Variants in ANKRD36C observed in about 807,000 individuals in gnomAD.
ANKRD36C encodes the protein ankyrin repeat domain 36C.
ANKRD36C carries 61 observed loss-of-function variants against 276.4 expected under a neutral mutation model. That is an observed-to-expected ratio of 0.22 (90% CI 0.18 to 0.27). The LOEUF (loss-of-function observed/expected upper bound fraction) is 0.27, where lower values mean the gene tolerates loss of function less well. ANKRD36C is among the 10% of genes least tolerant of loss of function. ANKRD36C has a pLI of 1.00. For missense variants in ANKRD36C, 1,447 were observed against 2,032.3 expected (o/e 0.71, Z 5.54); for synonymous variants, 483 against 680.1 (o/e 0.71, Z 4.51).
chr2:95,856,848 T>G (rs75659782), intron 62 of ANKRD36C, among the ~76,000 whole-genome samples: 2,616 of 152,196 alleles, frequency 0.017, 44 homozygotes, highest in Non-Finnish European at 0.023. Context: ...TGCTCTTCCA[T>G]CAAATCAGTA....
At chr2:95,849,262 A>G (rs1219631214), downstream of ANKRD36C, among the ~76,000 whole-genome samples, 1 of 152,044 alleles carries the variant, frequency 6.6e-6, no homozygotes, top group Non-Finnish European at 1.5e-5. Context: ...ATTTCACCAT[A>G]TTGGCCAGGC....
At chr2:95,884,184 T>A (rs748809590) in exon 54 of ANKRD36C, 13 of 1,608,024 alleles carry the variant, frequency 8.1e-6, no homozygotes, top group Non-Finnish European at 1.0e-5. Context: ...TGTCCCAGAT[T>A]TTTCTCCATC....
chr2:95,858,425 G>C (rs1675477141), intron 61 of ANKRD36C, among the ~76,000 whole-genome samples: 1 of 152,190 alleles, frequency 6.6e-6, no homozygotes, highest in South Asian at 2.1e-4. Flanking sequence ...GAAATGTATT[G>C]ATAAAAGAAC....
intron 54 of ANKRD36C, 31 bp downstream of exon 74, chr2:95,884,142 A>G: frequency 6.3e-7 from 1 of 1,588,084 alleles, no homozygotes; most frequent in Non-Finnish European, 8.6e-7. Flanking sequence ...TCTGGACTGA[A>G]CATGACATTA....
At chr2:95,880,726 T>C (rs1331175060) in intron 56 of ANKRD36C, 103 bp from the exon 77 acceptor site, 2 of 1,374,056 alleles carry the variant, frequency 1.5e-6, no homozygotes, top group African/African-American at 1.5e-5. Flanking sequence ...TTGCCTGTAT[T>C]AGTGTAGGGT....
rs1317183495 is a variant in ANKRD36C at position 95,903,187 on chromosome 2, C to T, written c.2654-3851G>A. 255 of 1,500,154 alleles carry T rather than the reference C, an allele frequency of 1.7e-4. 8 individuals are homozygous for T. The highest frequency in any genetic ancestry group is 1.1e-3 in the South Asian group (90 of 82,834). 92.9% of individuals were successfully genotyped at this position (1,500,154 alleles called of 1,614,324 possible). A position where few individuals can be genotyped will look rare whatever the true frequency, so the allele number is the denominator to read the frequency against. On this transcript the variant is annotated intron_variant, in intron 42 of 66. Transcript: ENST00000456556. ...ACCTCTGTCCTCCTGCCTGTATTAG[C>T]GTAGGCTTTGATGGCTTCTACTTTG...
intron 3 of ANKRD36C, among the ~76,000 whole-genome samples, chr2:95,986,068 A>G (rs1330270055): frequency 1.3e-5 from 2 of 152,178 alleles, no homozygotes; most frequent in Non-Finnish European, 2.9e-5. Flanking sequence ...TCCCTGGGCA[A>G]TTTCACAACT....
chr2:95,924,901 A>T, intron 30 of ANKRD36C, among the ~76,000 whole-genome samples: 1 of 151,600 alleles, frequency 6.6e-6, no homozygotes, highest in Non-Finnish European at 1.5e-5. Flanking sequence ...CTCTTTCTTG[A>T]TGAAAATAAT....
chr2:95,858,123 T>C (rs2104257426), intron 61 of ANKRD36C, among the ~76,000 whole-genome samples: 1 of 151,914 alleles, frequency 6.6e-6, no homozygotes, highest in East Asian at 1.9e-4. Context: ...TGCTGTCTCA[T>C]GCTTCTCTAA....
In ANKRD36C at chr2:95,910,764, AC is replaced by A. The variant is rs1415103958; in HGVS notation, c.2653+1479del. Among the ~76,000 whole-genome samples the A allele has an allele frequency of 2.6e-5, 4 of 151,538 alleles. No individual in the cohort carries two copies. The East Asian group carries it at 7.8e-4, about 30-fold the overall frequency. ...AGGGAATACAGGCTCCATGAAATAT[AC>A]CCTTACAATTTCAAACACGGTACGA... On this transcript the variant is annotated intron_variant, in intron 42 of 66. Transcript: ENST00000456556.
chr2:95,874,603 C>G (rs1675898842), intron 59 of ANKRD36C, among the ~76,000 whole-genome samples: 1 of 152,232 alleles, frequency 6.6e-6, no homozygotes, highest in African/African-American at 2.4e-5. Flanking sequence ...CATTACCATT[C>G]AGGACATAGG....
chr2:95,869,751 T>C (rs1205745626), intron 59 of ANKRD36C, among the ~76,000 whole-genome samples: 1 of 152,202 alleles, frequency 6.6e-6, no homozygotes, highest in African/African-American at 2.4e-5. Context: ...GGAGTTCCCT[T>C]TCCTAGTCAA....
chr2:95,916,994 T>A (rs1677118074), intron 36 of ANKRD36C, among the ~76,000 whole-genome samples: 1 of 151,600 alleles, frequency 6.6e-6, no homozygotes, highest in South Asian at 2.1e-4. Context: ...TTAATTAGAA[T>A]CCAGCATTTT....
At chr2:95,917,266 C>T (rs1313683013) in intron 36 of ANKRD36C, among the ~76,000 whole-genome samples, 5 of 151,572 alleles carry the variant, frequency 3.3e-5, no homozygotes, top group Admixed American at 6.6e-5. Flanking sequence ...CTGCCAAAAT[C>T]AAATATTTTT....
At chr2:95,927,943 C>T (rs1298502032) in intron 26 of ANKRD36C, among the ~76,000 whole-genome samples, 1 of 151,748 alleles carries the variant, frequency 6.6e-6, no homozygotes, top group East Asian at 1.9e-4. Context: ...TATATGTTTC[C>T]TGAAATCTAG....
intron 42 of ANKRD36C, among the ~76,000 whole-genome samples, chr2:95,907,826 T>C (rs1253121122): frequency 2.0e-5 from 3 of 150,128 alleles, no homozygotes; most frequent in South Asian, 4.2e-4. Flanking sequence ...GTATCTCTGA[T>C]GCCTCCTAGT....
At chr2:95,892,275 C>T (rs183046641) in intron 44 of ANKRD36C, among the ~76,000 whole-genome samples, 2 of 151,614 alleles carry the variant, frequency 1.3e-5, no homozygotes, top group East Asian at 3.9e-4. Context: ...ATACTACAAA[C>T]ATTCATCATG....
At position 95,927,091 on chromosome 2, in the gene ANKRD36C, A is replaced by C. The variant is rs544892948; in HGVS notation, c.1939+123T>G. ...CATCAGTGTCACCTGAGAACTGAAG[A>C]ATCTCAGGCCTGCTGAATCAGAATG... On this transcript the variant is annotated intron_variant, in intron 28 of 66. Transcript: ENST00000456556. 3.5e-5 allele frequency: 49 copies of C among 1,395,600 alleles called. No homozygotes were observed. The East Asian group carries it at 1.2e-3, about 33-fold the overall frequency. 86.5% of individuals were successfully genotyped at this position (1,395,600 alleles called of 1,614,324 possible).
intron 42 of ANKRD36C, 23 bp from the exon 46 acceptor site, chr2:95,910,468 T>A (rs769027305): frequency 1.9e-6 from 3 of 1,589,206 alleles, no homozygotes; most frequent in Non-Finnish European, 8.6e-7. Context: ...TGAAACGAAA[T>A]AATAAATAAA....
Sources: allele counts gnomAD v4.1 joint callset (sites outside exome capture counted in the v4.1 genomes callset), GRCh38; gene constraint gnomAD v4.1.1; transcripts MANE v1.5; gene names NCBI Gene and HGNC (gene_info 2026-07-23, HGNC 2026-07-21).